Variants in CCDC88B observed in about 807,000 individuals in gnomAD.
CCDC88B encodes coiled-coil and HOOK domain protein 88B.
In CCDC88B, 138 loss-of-function variants were observed where a neutral mutation model predicts 183.7. The observed-to-expected ratio is 0.75, with a 90% CI of 0.65 to 0.87. The LOEUF (loss-of-function observed/expected upper bound fraction) is 0.87, where lower values mean the gene tolerates loss of function less well. Ranked by LOEUF, CCDC88B falls within the 40% of genes least tolerant of loss-of-function variation. CCDC88B has a pLI of 0.00. For synonymous variants in CCDC88B, 835 were observed against 867.5 expected, an observed-to-expected ratio of 0.96 and a Z score of 0.66; for missense variants, 1,822 against 1,965.6, an observed-to-expected ratio of 0.93 and a Z score of 1.38.
chr11:64,343,816 G>A lies in CCDC88B; in HGVS notation c.1357G>A (p.Val453Met), dbSNP rs1290855124. Reference protein sequence around the residue: ...AGAAPSLQDEVREAEAGRLRT... With the variant: ...AGAAPSLQDEMREAEAGRLRT... The stretch of plus-strand genomic sequence containing the variant: ...AGCGGCCCCCTCGCTGCAAGATGAG[G>A]TGAGGGAGGCAGAGGCTGGGCGGCT... Residue 453 changes from valine to methionine, a missense_variant, in exon 13 of 27, where the codon GTG (valine) becomes ATG (methionine). Transcript: ENST00000356786. The A allele has an allele frequency of 1.9e-6, 3 of 1,593,746 alleles. No homozygotes were observed. Among genetic ancestry groups the A allele is most frequent in the Middle Eastern group, 4.0e-4 (2 of 5,060 alleles).
rs199761748 is a variant in CCDC88B at position 64,344,885 on chromosome 11, G to A, written c.2344G>A (p.Glu782Lys). The A allele has an allele frequency of 1.8e-4, 295 of 1,597,042 alleles. No homozygotes were observed. In the African/African-American group the frequency reaches 3.5e-3, roughly 19 times the overall value. Residue 782 changes from glutamate to lysine, a missense_variant, in exon 14 of 27, where the codon GAG becomes AAG. By Grantham distance (56) the Glu-to-Lys change is moderately conservative. Coordinates refer to ENST00000356786, the MANE Select transcript of CCDC88B (RefSeq NM_032251.6). This position sits in a 1 kb window ranked among gnomAD's most constrained non-coding sequence, Gnocchi z 4.5. ...ARRAEAEAHR[E>K]AEAQAWEQAR... is the part of the protein sequence containing the mutation. ...AAGGGCAGAGGCCGAGGCCCACCGG[G>A]AGGCAGAGGCCCAGGCCTGGGAGCA...
rs764610911 is a variant in CCDC88B, at chr11:64,349,656, G to A, written c.2850G>A (p.Glu950=). 24 of 1,594,102 alleles carry A rather than the reference G, an allele frequency of 1.5e-5. No homozygotes were observed. The highest frequency in any genetic ancestry group is 2.0e-5 in the Non-Finnish European group (24 of 1,171,116). The change falls in exon 16 of 27, where the codon GAG becomes GAA. Residue 950 remains glutamate, a synonymous_variant. Transcript: ENST00000356786. ...AGACCAGGGCCCTGCAGCTGGAAGA[G>A]GAGCTGTTCCAGGTGATGCCTGCCC... ...ELKTRALQLE[E]ELFQLRQGPA...
At chr11:64,342,736 G>T in intron 10 of CCDC88B, 56 bp downstream of exon 10, 1 of 1,437,434 alleles carries the variant, frequency 7.0e-7, no homozygotes, top group South Asian at 1.4e-5. Flanking sequence ...GGGCCAGGAG[G>T]AGGGGCGAGA....
rs561918725 is a variant in CCDC88B at position 64,343,324 on chromosome 11, C to T, written c.1208C>T (p.Ala403Val). 5.2e-6 allele frequency: 8 copies of T among 1,550,214 alleles called. No homozygotes were observed. The highest frequency in any genetic ancestry group is 2.0e-5 in the Admixed American group (1 of 50,982). The change falls in exon 11 of 27, where the codon GCG becomes GTG. Residue 403 changes from alanine (A) to valine (V), a missense_variant and splice_region_variant. Transcript: ENST00000356786. Reference sequence around the variant, plus strand: ...CGAACCCGGCTGGGCGAGGCCCATGCGGTAAGGTAGCCAGAGTGATCCCAC... The same window carrying T: ...CGAACCCGGCTGGGCGAGGCCCATGTGGTAAGGTAGCCAGAGTGATCCCAC... Reference protein sequence around the residue: ...LLRTRLGEAHAELDSLRHQVD... With the variant: ...LLRTRLGEAHVELDSLRHQVD...
chr11:64,340,912 C>G lies in CCDC88B; in HGVS notation c.212C>G (p.Pro71Arg). The stretch of plus-strand genomic sequence containing the variant: ...AGCCCACCTCCGGCTCATAGTGCCC[C>G]CAGCTCCCGAGGGGGACCTCGGATG... Reference protein sequence around the residue: ...LLLRVLGIIAPSSRGGPRMLR... With the variant: ...LLLRVLGIIARSSRGGPRMLR... The change falls in exon 3 of 27, where the codon CCC becomes CGC. Residue 71 changes from proline (P) to arginine (R), a missense_variant. Pro to Arg is a moderately radical substitution (Grantham distance 103). Transcript: ENST00000356786. The G allele has an allele frequency of 6.4e-7, 1 of 1,552,280 alleles. No homozygotes were observed. The highest frequency in any genetic ancestry group is 1.9e-5 in the Admixed American group (1 of 52,002).
chr11:64,354,700 CTCTGA>C (rs1565059804), intron 24 of CCDC88B, among the ~76,000 whole-genome samples: 7 of 67,788 alleles, frequency 1.0e-4, no homozygotes, highest in East Asian at 4.9e-4. Flanking sequence ...CGCCCCCCCC[CTCTGA>C]CCCCTCCCCT....
chr11:64,342,364 C>T lies in CCDC88B; in HGVS notation c.892C>T (p.Leu298Phe). Residue 298 changes from leucine to phenylalanine, a missense_variant, in exon 9 of 27, where the codon CTC becomes TTC. Transcript: ENST00000356786. ...GGGTTTGGAGGCCGAAATAAGAAGG[C>T]TCCGCCAGGAGGTGCGCTCACATGC... is the stretch of plus-strand genomic sequence containing the variant. ...VQGLEAEIRRLRQEAQALSGQ... is the reference protein window; with the variant it reads ...VQGLEAEIRRFRQEAQALSGQ... 1.9e-6 allele frequency: 3 copies of T among 1,585,906 alleles called. No individual in the cohort carries two copies. Among genetic ancestry groups the T allele is most frequent in the Non-Finnish European group, 2.6e-6 (3 of 1,166,734 alleles).
Position 64,344,862 on chromosome 11 carries a change from G to A in CCDC88B, c.2321G>A (p.Arg774Lys), listed in dbSNP as rs753566872. The change falls in exon 14 of 27, where the codon AGG becomes AAG. Residue 774 changes from arginine to lysine, a missense_variant. Arg to Lys is a conservative substitution (Grantham distance 26). Coordinates refer to ENST00000356786, the MANE Select transcript of CCDC88B (RefSeq NM_032251.6). This position sits in a 1 kb window ranked among gnomAD's most constrained non-coding sequence, Gnocchi z 4.5. ...TCCAAGGAGCTGGCCCAAGCGCGAAGGGCAGAGGCCGAGGCCCACCGGGAG... is the reference window on the plus strand; with the variant it reads ...TCCAAGGAGCTGGCCCAAGCGCGAAAGGCAGAGGCCGAGGCCCACCGGGAG... ...RLSKELAQAR[R>K]AEAEAHREAE... is the part of the protein sequence containing the mutation. 6.2e-7 allele frequency: 1 copy of A among 1,609,092 alleles called. No homozygotes were observed. The highest frequency in any genetic ancestry group is 8.5e-7 in the Non-Finnish European group (1 of 1,177,974).
chr11:64,349,742 T>A (rs1255087718), intron 16 of CCDC88B, 74 bp downstream of exon 16: 1 of 1,352,434 alleles, frequency 7.4e-7, no homozygotes, highest in Non-Finnish European at 1.0e-6. Context: ...GCCAGGGTCA[T>A]CTGTCCTCCT....
At chr11:64,347,487 G>T (rs1047127085) in intron 14 of CCDC88B, among the ~76,000 whole-genome samples, 29 of 152,292 alleles carry the variant, frequency 1.9e-4, no homozygotes, top group African/African-American at 6.0e-4. Flanking sequence ...AGAGTAATTT[G>T]CTCAGAGACC....
At position 64,354,186 on chromosome 11, in the gene CCDC88B, A is replaced by C; in HGVS notation, c.4099+16A>C. On this transcript the variant is annotated intron_variant, in intron 24 of 26. Coordinates refer to ENST00000356786, the MANE Select transcript of CCDC88B (RefSeq NM_032251.6). ...GATGGGACAGGTGGGTCTGGGGGTC[A>C]GGTGGCCAGGATGGTCCCTGCCCCA... 1 of 1,332,012 alleles carries C rather than the reference A, an allele frequency of 7.5e-7. No individual in the cohort carries two copies. The highest frequency in any genetic ancestry group is 9.7e-7 in the Non-Finnish European group (1 of 1,034,922). 82.5% of individuals were successfully genotyped at this position (1,332,012 alleles called of 1,614,324 possible). A position where few individuals can be genotyped will look rare whatever the true frequency, so the allele number is the denominator to read the frequency against.
intron 23 of CCDC88B, 53 bp from the exon 24 acceptor site, chr11:64,353,951 T>G (rs2036441617): frequency 6.4e-7 from 1 of 1,550,418 alleles, no homozygotes; most frequent in African/African-American, 1.4e-5. Flanking sequence ...GGACACCCTT[T>G]GCTCCCTCCC....
At chr11:64,352,635 C>T in intron 19 of CCDC88B, 109 bp from the exon 20 acceptor site, 1 of 1,513,826 alleles carries the variant, frequency 6.6e-7, no homozygotes, top group Non-Finnish European at 8.9e-7. Flanking sequence ...TCTGGGGGAC[C>T]TAGGCTTAGG....
intron 14 of CCDC88B, 25 bp downstream of exon 14, chr11:64,345,182 TG>T: frequency 1.3e-6 from 2 of 1,533,554 alleles, no homozygotes; most frequent in Non-Finnish European, 1.7e-6. Flanking sequence ...GGCTCACCGC[TG>T]GGGTTGGGAA....
In CCDC88B at chr11:64,352,223, G is replaced by A. The variant is rs1161997153; in HGVS notation, c.3193G>A (p.Glu1065Lys). ...EEVRAARQSQ[E>K]ETRGQQQALL... ...GGTGCGGGCGGCACGGCAGTCCCAG[G>A]AGGAGACCCGCGGGCAGCAGCAGGC... is the stretch of plus-strand genomic sequence containing the variant. Residue 1065 changes from glutamate (E) to lysine (K), a missense_variant, in exon 19 of 27, where the codon GAG (glutamate) becomes AAG (lysine). Physicochemically the swap from Glu to Lys is moderately conservative, Grantham distance 56. Transcript: ENST00000356786. The A allele has an allele frequency of 6.2e-7, 1 of 1,610,774 alleles. No individual in the cohort carries two copies. The highest frequency in any genetic ancestry group is 2.2e-5 in the East Asian group (1 of 44,772).
At position 64,340,578 on chromosome 11, in the gene CCDC88B, G is replaced by T. The variant is rs745507232; in HGVS notation, c.61-29G>T. On this transcript the variant is annotated intron_variant, in intron 1 of 26. Transcript: ENST00000356786. ...GAGGGGCTCAGGGTTCACTCTGCTG[G>T]TCGGCTGACCCCTCTGGGCTCCTCA... The T allele has an allele frequency of 2.4e-5, 39 of 1,596,536 alleles. No individual in the cohort carries two copies. The Admixed American group carries it at 6.3e-4, about 26-fold the overall frequency.
At position 64,354,019 on chromosome 11, in the gene CCDC88B, G is replaced by T; in HGVS notation, c.3948G>T (p.Leu1316=). ...PLPRTKKGSW[L]ADKVKRLMRP... is the part of the protein sequence containing the mutation. ...TTGCCCCCAGGAAGGGCAGCTGGCT[G>T]GCAGACAAGGTGAAGAGGCTGATGC... Residue 1316 remains leucine (L), a synonymous_variant, in exon 24 of 27, where the codon CTG becomes CTT. Transcript: ENST00000356786. The T allele has an allele frequency of 6.7e-7, 1 of 1,481,960 alleles. No individual in the cohort carries two copies. 91.8% of individuals were successfully genotyped at this position (1,481,960 alleles called of 1,614,324 possible).
At position 64,355,328 on chromosome 11, in the gene CCDC88B, G is replaced by A. The variant is rs919268767; in HGVS notation, c.4234G>A (p.Gly1412Arg). 3 of 1,595,300 alleles carry A rather than the reference G, an allele frequency of 1.9e-6. No individual in the cohort carries two copies. The African/African-American group carries it at 4.0e-5, about 22-fold the overall frequency. ...VGRSSESFSP[G>R]DTPRQRFRQR... ...GCGAAGCTCTGAGTCATTCAGCCCT[G>A]GGGACACCCCTAGGCAACGATTCCG... Residue 1412 changes from glycine to arginine, a missense_variant, in exon 25 of 27, where the codon GGG (glycine) becomes AGG (arginine). Transcript: ENST00000356786.
chr11:64,348,045 G>A (rs1456182025), intron 14 of CCDC88B, among the ~76,000 whole-genome samples: 28 of 51,300 alleles, frequency 5.5e-4, no homozygotes, highest in South Asian at 2.2e-3. Context: ...GCAAGACTCC[G>A]TCTCAAAAAA....
Sources: allele counts gnomAD v4.1 joint callset (sites outside exome capture counted in the v4.1 genomes callset), GRCh38; gene constraint gnomAD v4.1.1; non-coding constraint Gnocchi (gnomAD v3.1); transcripts MANE v1.5; gene names NCBI Gene and HGNC (gene_info 2026-07-23, HGNC 2026-07-21).